The following JAK2 variants were observed in gnomAD, a reference collection of about 807,000 sequenced individuals.
JAK2 encodes tyrosine-protein kinase JAK2.
JAK2 carries 86 observed loss-of-function variants against 139.3 expected under a neutral mutation model. The observed-to-expected ratio is 0.62, with a 90% CI of 0.52 to 0.74. The LOEUF (loss-of-function observed/expected upper bound fraction) is 0.74. Among genes scored for constraint, JAK2 ranks in the 30% least tolerant of loss-of-function variants. The probability of loss-of-function intolerance (pLI) is 0.00; values close to 1 mark genes in which losing one functional copy is unlikely to be tolerated. For missense variants in JAK2, 1,421 were observed against 1,360.3 expected (o/e 1.04, Z -0.70); for synonymous variants, 490 against 437.7 (o/e 1.12, Z -1.49).
intron 19 of JAK2, among the ~76,000 whole-genome samples, chr9:5,086,580 C>A (rs1465200126): frequency 6.6e-6 from 1 of 151,996 alleles, no homozygotes; most frequent in Non-Finnish European, 1.5e-5. Context: ...ATTTTGGATG[C>A]CCTTCCAATA....
intron 14 of JAK2, among the ~76,000 whole-genome samples, chr9:5,075,706 T>C (rs528639751): frequency 1.3e-5 from 2 of 152,326 alleles, no homozygotes; most frequent in Admixed American, 1.3e-4. Context: ...TTCATGTTAT[T>C]TTCAGGCCTG....
In JAK2 at chr9:5,043,830, T is replaced by G. The variant is rs148486997; in HGVS notation, c.351-573T>G. ...TGAACCTTGAAAACATTATGCTGAG[T>G]GAAAGAAGGCAGACAGAAAGGCCAC... On this transcript the variant is annotated intron_variant, in intron 4 of 24. Coordinates refer to ENST00000381652, the MANE Select transcript of JAK2 (RefSeq NM_004972.4). 4.0e-3 allele frequency among the ~76,000 whole-genome samples: 609 copies of G among 152,302 alleles called. 4 individuals carry two copies. Among genetic ancestry groups the G allele is most frequent in the African/African-American group, 0.014 (594 of 41,566 alleles).
intron 16 of JAK2, among the ~76,000 whole-genome samples, chr9:5,079,406 T>G (rs181941815): frequency 6.6e-6 from 1 of 152,240 alleles, no homozygotes; most frequent in Non-Finnish European, 1.5e-5. Flanking sequence ...TTCCGTGATT[T>G]GAGCAGAGCC....
At chr9:5,112,996 G>T in intron 22 of JAK2, 1 of 184,872 alleles carries the variant, frequency 5.4e-6, no homozygotes, top group South Asian at 1.6e-4. Context: ...ATGAGGCTCA[G>T]AGTGATGGGG....
In JAK2 at chr9:5,023,723, A is replaced by T. The variant is rs139710654; in HGVS notation, c.226+1510A>T. ...TGAATACCAGTGTTCCTCTTGGATA[A>T]TCTACTCAAAGTGTGATTATATACT... On this transcript the variant is annotated intron_variant, in intron 3 of 24. Transcript: ENST00000381652. Among the ~76,000 whole-genome samples the T allele has an allele frequency of 5.3e-4, 80 of 152,252 alleles. 1 individual carries two copies. Among genetic ancestry groups the T allele is most frequent in the African/African-American group, 1.8e-3 (76 of 41,522 alleles).
intron 2 of JAK2, among the ~76,000 whole-genome samples, chr9:4,987,770 T>C (rs941471897): frequency 6.6e-6 from 1 of 151,316 alleles, no homozygotes; most frequent in Non-Finnish European, 1.5e-5. Context: ...AAAAGAGTTA[T>C]ATTATTTACG....
At chr9:5,048,449 A>C (rs372084512) in intron 5 of JAK2, among the ~76,000 whole-genome samples, 84 of 152,230 alleles carry the variant, frequency 5.5e-4, no homozygotes, top group African/African-American at 1.9e-3. Context: ...CCCATCTACT[A>C]GTTCTATAGG....
chr9:5,126,109 G>A (rs1194328954), intron 23 of JAK2: 2 of 390,446 alleles, frequency 5.1e-6, no homozygotes, highest in Admixed American at 4.3e-5. Context: ...CCCTCCTCAG[G>A]GGATTTGTGT....
chr9:5,105,422 A>G (rs546716759), intron 22 of JAK2, among the ~76,000 whole-genome samples: 1 of 152,348 alleles, frequency 6.6e-6, no homozygotes, highest in Non-Finnish European at 1.5e-5. Context: ...AGAGGACACA[A>G]ACAAATGGAA....
intron 5 of JAK2, among the ~76,000 whole-genome samples, chr9:5,048,808 C>G (rs1475256542): frequency 6.6e-6 from 1 of 152,128 alleles, no homozygotes; most frequent in Non-Finnish European, 1.5e-5. Flanking sequence ...CAAGTTATTA[C>G]ATCAAGAGAA....
At chr9:5,091,490 A>C (rs902277420) in intron 22 of JAK2, 1 of 151,840 alleles carries the variant, frequency 6.6e-6, no homozygotes, top group Admixed American at 6.6e-5. Flanking sequence ...GGAGGGGTTG[A>C]TTCATGAGGA....
upstream of JAK2, chr9:4,984,977 C>T (rs1485369514): frequency 2.6e-5 from 4 of 152,336 alleles, no homozygotes; most frequent in African/African-American, 7.2e-5. Flanking sequence ...GGCAGCTGCC[C>T]TGCGTGGCCC....
chr9:5,065,130 G>T, intron 9 of JAK2, 90 bp downstream of exon 9: 1 of 776,932 alleles, frequency 1.3e-6, no homozygotes. Flanking sequence ...TGTATGTTTA[G>T]AAAAAAATAA....
chr9:5,120,868 T>A (rs1450789745), intron 22 of JAK2, among the ~76,000 whole-genome samples: 3 of 152,192 alleles, frequency 2.0e-5, no homozygotes, highest in African/African-American at 4.8e-5. Context: ...ATTTATTGCA[T>A]AAGAAACAAA....
chr9:5,067,320 C>A (rs947320518), intron 10 of JAK2, among the ~76,000 whole-genome samples: 1 of 152,056 alleles, frequency 6.6e-6, no homozygotes, highest in Non-Finnish European at 1.5e-5. Flanking sequence ...TGCAATGAAA[C>A]CCCACTGTTA....
chr9:5,089,764 A>T lies in JAK2; in HGVS notation c.2662A>T (p.Thr888Ser), dbSNP rs1426814242. 1.0e-5 allele frequency: 16 copies of T among 1,597,988 alleles called. No homozygotes were observed. The highest frequency in any genetic ancestry group is 1.4e-5 in the Non-Finnish European group (16 of 1,171,760). The change falls in exon 20 of 25, where the codon ACT (threonine) becomes TCT (serine). Residue 888 changes from threonine to serine, a missense_variant. Coordinates refer to ENST00000381652, the MANE Select transcript of JAK2 (RefSeq NM_004972.4). ...CGCTGTAAAAAAGCTTCAGCATAGTACTGAAGAGCACCTAAGAGACTTTGA... is the reference window on the plus strand; with the variant it reads ...CGCTGTAAAAAAGCTTCAGCATAGTTCTGAAGAGCACCTAAGAGACTTTGA... ...VVAVKKLQHS[T>S]EEHLRDFERE...
At chr9:5,121,245 C>G (rs1313608991) in intron 22 of JAK2, among the ~76,000 whole-genome samples, 2 of 152,122 alleles carry the variant, frequency 1.3e-5, no homozygotes, top group Non-Finnish European at 2.9e-5. Context: ...CACAAGCAGT[C>G]CCCTAAGAGA....
intron 2 of JAK2, among the ~76,000 whole-genome samples, chr9:4,994,748 A>G (rs946012467): frequency 3.3e-5 from 5 of 152,176 alleles, no homozygotes; most frequent in African/African-American, 1.2e-4. Context: ...CCAATTCCCA[A>G]TTTAAATCAT....
At chr9:5,013,484 G>A (rs1283690145) in intron 2 of JAK2, among the ~76,000 whole-genome samples, 1 of 152,160 alleles carries the variant, frequency 6.6e-6, no homozygotes, top group African/African-American at 2.4e-5. Flanking sequence ...CCACTCCATT[G>A]CCTTTTGGGA....
Sources: gnomAD v4.1 joint callset for allele counts (sites outside exome capture counted in the v4.1 genomes callset) on GRCh38, gnomAD v4.1.1 for gene constraint, MANE v1.5 for transcripts, NCBI Gene and HGNC (gene_info 2026-07-23, HGNC 2026-07-21) for gene names.